The following UGT1A6 variants were observed in gnomAD, a reference collection of about 807,000 sequenced individuals.
The protein encoded by UGT1A6 is UDP glucuronosyltransferase family 1 member A6.
UGT1A6 carries 32 observed loss-of-function variants against 44.4 expected under a neutral mutation model. The observed-to-expected ratio is 0.72, with a 90% CI of 0.54 to 0.97. The LOEUF (loss-of-function observed/expected upper bound fraction) is 0.97. UGT1A6 is among the 50% of genes least tolerant of loss of function. UGT1A6 has a pLI of 0.00. For missense variants in UGT1A6, 685 were observed against 661.9 expected, an observed-to-expected ratio of 1.03 and a Z score of -0.38; for synonymous variants, 238 against 248.5, an observed-to-expected ratio of 0.96 and a Z score of 0.40.
chr2:233,697,894 A>G (rs936448403), intron 1 of UGT1A6, among the ~76,000 whole-genome samples: 4 of 152,240 alleles, frequency 2.6e-5, no homozygotes, highest in African/African-American at 9.6e-5. Context: ...TGATTGAATC[A>G]AATCTATTGA....
intron 1 of UGT1A6, among the ~76,000 whole-genome samples, chr2:233,725,178 G>A (rs2077377532): frequency 1.5e-5 from 1 of 68,192 alleles, no homozygotes; most frequent in Admixed American, 1.4e-4. Flanking sequence ...GAGACCGTGG[G>A]GAGAGGCAGA....
intron 1 of UGT1A6, among the ~76,000 whole-genome samples, chr2:233,733,833 G>A (rs1195470780): frequency 2.6e-5 from 4 of 152,136 alleles, no homozygotes; most frequent in African/African-American, 4.8e-5. Flanking sequence ...ATGAGTTAGG[G>A]AGGATTCCCT....
rs1699582839 is a variant in UGT1A6, at chr2:233,768,178, C to CA, written c.1082-41dup. On this transcript the variant is annotated intron_variant, in intron 3 of 4. Transcript: ENST00000305139. ...CCTAGATGTGTCCAGCTGTGAAACTCAGAGATGTAACTGCTGACATCCTCC... is the reference window on the plus strand; with the variant it reads ...CCTAGATGTGTCCAGCTGTGAAACTCAAGAGATGTAACTGCTGACATCCTCC... 5.6e-6 allele frequency: 9 copies of CA among 1,613,764 alleles called. No individual in the cohort carries two copies. In the Admixed American group the frequency reaches 8.3e-5, roughly 15 times the overall value.
chr2:233,737,711 C>T (rs2078913752), intron 1 of UGT1A6, among the ~76,000 whole-genome samples: 1 of 152,172 alleles, frequency 6.6e-6, no homozygotes, highest in Admixed American at 6.5e-5. Flanking sequence ...GTTCTCCTCT[C>T]CAACACCTCC....
At position 233,769,958 on chromosome 2, in the gene UGT1A6, G is replaced by T. The variant is rs1575848035; in HGVS notation, c.1301+1519G>T. 1 of 216,598 alleles carries T rather than the reference G, an allele frequency of 4.6e-6. No individual in the cohort carries two copies. The highest frequency in any genetic ancestry group is 1.1e-4 in the South Asian group (1 of 9,406). The allele number at this position is 216,598 out of a possible 1,614,324, so 13.4% of individuals were successfully genotyped here. On this transcript the variant is annotated intron_variant, in intron 4 of 4. Coordinates refer to ENST00000305139, the MANE Select transcript of UGT1A6 (RefSeq NM_001072.4). The surrounding 1 kb of genome is among the most constrained non-coding windows in gnomAD (Gnocchi z 4.4). Reference sequence around the variant, plus strand: ...TTCCTTCCTTCCAGCGGCTTCTTCTGGCCACCTCAATGTCAGGATGTCCTG... The same window carrying T: ...TTCCTTCCTTCCAGCGGCTTCTTCTTGCCACCTCAATGTCAGGATGTCCTG...
chr2:233,767,201 T>C lies in UGT1A6; in HGVS notation c.993+36T>C, dbSNP rs756377002. 1.3e-4 allele frequency: 211 copies of C among 1,613,460 alleles called. 4 individuals are homozygous for C. In the South Asian group the frequency reaches 2.3e-3, roughly 17 times the overall value. ...TCTATACCATGGCCTCATATCTATT[T>C]TCACAGGAGCGCTAATCCCAGACTT... On this transcript the variant is annotated intron_variant, in intron 2 of 4. Transcript: ENST00000305139.
chr2:233,725,586 A>C (rs1194596370), intron 1 of UGT1A6, among the ~76,000 whole-genome samples: 1 of 152,166 alleles, frequency 6.6e-6, no homozygotes, highest in Non-Finnish European at 1.5e-5. Flanking sequence ...TTATGACTTA[A>C]CTATTTGACA....
In UGT1A6 at chr2:233,729,717, A is replaced by G. The variant is rs147416875; in HGVS notation, c.861+35852A>G. Reference sequence around the variant, plus strand: ...ACCCTTCCTCCTATATTCCTAGATTACTAACAACCAATTCAGACCACATGA... The same window carrying G: ...ACCCTTCCTCCTATATTCCTAGATTGCTAACAACCAATTCAGACCACATGA... On this transcript the variant is annotated intron_variant, in intron 1 of 4. Transcript: ENST00000305139. 5.1e-5 allele frequency: 83 copies of G among 1,613,846 alleles called. 1 individual carries two copies. The highest frequency in any genetic ancestry group is 5.2e-5 in the Non-Finnish European group (61 of 1,179,886).
chr2:233,712,607 G>C (rs151006364), intron 1 of UGT1A6, among the ~76,000 whole-genome samples: 72 of 152,282 alleles, frequency 4.7e-4, no homozygotes, highest in African/African-American at 1.6e-3. Flanking sequence ...TGGGGACTAG[G>C]GCAATGGTGA....
chr2:233,772,992 CT>C lies in UGT1A6; in HGVS notation c.*434del. The C allele has an allele frequency of 1.2e-5, 3 of 257,330 alleles. No individual in the cohort carries two copies. Among genetic ancestry groups the C allele is most frequent in the South Asian group, 5.0e-5 (1 of 19,850 alleles). The allele number at this position is 257,330 out of a possible 1,614,324, so 15.9% of individuals were successfully genotyped here. Reference sequence around the variant, plus strand: ...TTAACCAATAATGGTCAGTCCTCATCTCTGTCGTGCTTCATAGGTGCCACCT... The same window carrying C: ...TTAACCAATAATGGTCAGTCCTCATCCTGTCGTGCTTCATAGGTGCCACCT... On this transcript the variant is annotated 3_prime_UTR_variant, in exon 5 of 5. Transcript: ENST00000305139.
At position 233,693,237 on chromosome 2, in the gene UGT1A6, A is replaced by G; in HGVS notation, c.233A>G (p.Tyr78Cys). The change falls in exon 1 of 5, where the codon TAT becomes TGT. Residue 78 changes from tyrosine (Y) to cysteine (C), a missense_variant. Coordinates refer to ENST00000305139, the MANE Select transcript of UGT1A6 (RefSeq NM_001072.4). ...TCCAAATACTACACAAGAAAAATCT[A>G]TCCAGTGCCGTATGACCAAGAAGAG... ...KESKYYTRKIYPVPYDQEELK... is the reference protein window; with the variant it reads ...KESKYYTRKICPVPYDQEELK... 1.2e-6 allele frequency: 2 copies of G among 1,614,188 alleles called. No homozygotes were observed. Among genetic ancestry groups the G allele is most frequent in the Non-Finnish European group, 1.7e-6 (2 of 1,180,042 alleles).
At chr2:233,698,567 G>T (rs2075448445) in intron 1 of UGT1A6, among the ~76,000 whole-genome samples, 1 of 152,166 alleles carries the variant, frequency 6.6e-6, no homozygotes, top group Admixed American at 6.5e-5. Context: ...TTAAGAACAT[G>T]TTTAATTTCA....
intron 1 of UGT1A6, chr2:233,729,486 G>A: frequency 6.2e-7 from 1 of 1,614,202 alleles, no homozygotes; most frequent in South Asian, 1.1e-5. Flanking sequence ...TGAACAATAT[G>A]TCTTTGGTCT....
chr2:233,745,639 G>T (rs182919627), intron 1 of UGT1A6, among the ~76,000 whole-genome samples: 1 of 151,500 alleles, frequency 6.6e-6, no homozygotes, highest in South Asian at 2.1e-4. Context: ...AAAGCTGGCC[G>T]AGGGTAGAGT....
chr2:233,750,944 CAG>C (rs1694596562), intron 1 of UGT1A6, among the ~76,000 whole-genome samples: 3 of 152,000 alleles, frequency 2.0e-5, no homozygotes, highest in Middle Eastern at 3.4e-3. Flanking sequence ...AGCCCCCACA[CAG>C]AGTCTCCACT....
At position 233,757,048 on chromosome 2, in the gene UGT1A6, T is replaced by C. The variant is rs536754863; in HGVS notation, c.862-9986T>C. On this transcript the variant is annotated intron_variant, in intron 1 of 4. Transcript: ENST00000305139. ...CAATTTGAGAACATCAAAGGAAGTT[T>C]GGGGAACAGCAAGGGATCCAGAATG... is the stretch of plus-strand genomic sequence containing the variant. Among the ~76,000 whole-genome samples, 5 of 151,546 alleles carry C rather than the reference T, an allele frequency of 3.3e-5. No individual in the cohort carries two copies. In the South Asian group the frequency reaches 1.0e-3, roughly 32 times the overall value.
intron 1 of UGT1A6, chr2:233,718,839 G>T: frequency 1.2e-6 from 2 of 1,613,658 alleles, no homozygotes; most frequent in South Asian, 1.1e-5. Flanking sequence ...AGGACTCCAG[G>T]TTCCCCTGCC....
Position 233,743,773 on chromosome 2 carries a change from C to G in UGT1A6, c.862-23261C>G, listed in dbSNP as rs367921172. 3 of 1,367,248 alleles carry G rather than the reference C, an allele frequency of 2.2e-6. No homozygotes were observed. In the East Asian group the frequency reaches 1.4e-4, roughly 62 times the overall value. The allele number at this position is 1,367,248 out of a possible 1,614,324, so 84.7% of individuals were successfully genotyped here. A position where few individuals can be genotyped will look rare whatever the true frequency, so the allele number is the denominator to read the frequency against. On this transcript the variant is annotated intron_variant, in intron 1 of 4. Coordinates refer to ENST00000305139, the MANE Select transcript of UGT1A6 (RefSeq NM_001072.4). ...ACAACACCTCGTAGGCCTCGGCCACCTGCTTGAATCTCCTCTCCGCTTCCT... is the reference window on the plus strand; with the variant it reads ...ACAACACCTCGTAGGCCTCGGCCACGTGCTTGAATCTCCTCTCCGCTTCCT...
chr2:233,720,496 G>A (rs780049805), intron 1 of UGT1A6, among the ~76,000 whole-genome samples: 30 of 152,218 alleles, frequency 2.0e-4, no homozygotes, highest in Middle Eastern at 3.4e-3. Context: ...GAAGGGAAGT[G>A]TTTCTCAGGT....
Sources: allele counts gnomAD v4.1 joint callset (sites outside exome capture counted in the v4.1 genomes callset), GRCh38; gene constraint gnomAD v4.1.1; non-coding constraint Gnocchi (gnomAD v3.1); transcripts MANE v1.5; gene names NCBI Gene and HGNC (gene_info 2026-07-23, HGNC 2026-07-21).